The following PARD3 variants were observed in gnomAD, a reference collection of about 807,000 sequenced individuals.
PARD3 encodes par-3 family cell polarity regulator, also known as partitioning defective 3 homolog.
Under a neutral mutation model 155.4 loss-of-function variants are expected in PARD3, and 75 were observed. The ratio of observed to expected loss-of-function variants is 0.48; its 90% CI spans 0.40 to 0.58. The LOEUF (loss-of-function observed/expected upper bound fraction) is 0.58, where lower values mean the gene tolerates loss of function less well. Ranked by LOEUF, PARD3 falls within the 20% of genes least tolerant of loss-of-function variation. The pLI is 0.00. For synonymous variants in PARD3, 576 were observed against 610.5 expected (o/e 0.94, Z 0.83); for missense variants, 1,642 against 1,721.7 (o/e 0.95, Z 0.82).
chr10:34,179,106 C>T (rs1950156248), intron 22 of PARD3, among the ~76,000 whole-genome samples: 2 of 152,216 alleles, frequency 1.3e-5, no homozygotes, highest in Non-Finnish European at 2.9e-5. Flanking sequence ...ATATTTCTCC[C>T]TGTCCTTCTA....
Position 34,111,011 on chromosome 10 carries a change from G to A in PARD3, c.*158C>T. ...TGAGACATAGTGGCAAAGACATTAAGGCCTTCCATTTCTTTGCCTACACCG... is the reference window on the plus strand; with the variant it reads ...TGAGACATAGTGGCAAAGACATTAAAGCCTTCCATTTCTTTGCCTACACCG... On this transcript the variant is annotated 3_prime_UTR_variant, in exon 25 of 25. Transcript: ENST00000374788. 1 of 689,410 alleles carries A rather than the reference G, an allele frequency of 1.5e-6. No homozygotes were observed. Among genetic ancestry groups the A allele is most frequent in the Non-Finnish European group, 2.3e-6 (1 of 427,816 alleles). 42.7% of individuals were successfully genotyped at this position (689,410 alleles called of 1,614,324 possible).
chr10:34,177,041 T>C (rs1950063457), intron 22 of PARD3, among the ~76,000 whole-genome samples: 1 of 150,632 alleles, frequency 6.6e-6, no homozygotes, highest in Admixed American at 6.6e-5. Flanking sequence ...GTGTGGGGTC[T>C]GTGTTTGTGT....
intron 2 of PARD3, among the ~76,000 whole-genome samples, chr10:34,655,359 TTGTG>T (rs760618629): frequency 4.6e-5 from 7 of 152,176 alleles, no homozygotes; most frequent in Admixed American, 1.3e-4. Context: ...TCACATTGAT[TTGTG>T]TGTTTTATGT....
At chr10:34,366,530 C>G (rs1375638827) in intron 12 of PARD3, among the ~76,000 whole-genome samples, 1 of 152,024 alleles carries the variant, frequency 6.6e-6, no homozygotes, top group Non-Finnish European at 1.5e-5. Context: ...TATGAATGAG[C>G]ACCTTAGGAC....
intron 2 of PARD3, among the ~76,000 whole-genome samples, chr10:34,666,796 AAT>A (rs1204976062): frequency 1.8e-4 from 12 of 66,952 alleles, no homozygotes; most frequent in South Asian, 5.6e-4. Context: ...AAAAAAAAAA[AAT>A]ATATATATAT....
At chr10:34,684,852 T>A (rs1214778668) in intron 2 of PARD3, among the ~76,000 whole-genome samples, 2 of 130,216 alleles carry the variant, frequency 1.5e-5, no homozygotes, top group African/African-American at 5.8e-5. Flanking sequence ...CACACATATA[T>A]ATACATGTAT....
intron 22 of PARD3, among the ~76,000 whole-genome samples, chr10:34,255,678 CCTTTTAAATAACA>C (rs1470488653): frequency 6.6e-6 from 1 of 152,104 alleles, no homozygotes; most frequent in Non-Finnish European, 1.5e-5. Context: ...AAACTTTTTT[CCTTTTAAATAACA>C]CTTTTCTTCA....
intron 2 of PARD3, chr10:34,664,225 CAG>C (rs1315649209): frequency 6.6e-6 from 1 of 152,200 alleles, no homozygotes; most frequent in Non-Finnish European, 1.5e-5. Flanking sequence ...TCTTTTGAGA[CAG>C]AGTCTCGAAC....
At chr10:34,645,005 C>CA (rs1276763386) in intron 2 of PARD3, among the ~76,000 whole-genome samples, 2 of 152,046 alleles carry the variant, frequency 1.3e-5, no homozygotes, top group African/African-American at 4.8e-5. Context: ...AGGCGAGTGC[C>CA]ACCACACCCA....
intron 2 of PARD3, among the ~76,000 whole-genome samples, chr10:34,657,306 G>A (rs1005006697): frequency 6.6e-6 from 1 of 152,064 alleles, no homozygotes; most frequent in African/African-American, 2.4e-5. Flanking sequence ...TTAAATTTCA[G>A]GGTGAAATGG....
chr10:34,666,349 C>A (rs1309102635), intron 2 of PARD3, among the ~76,000 whole-genome samples: 1 of 152,110 alleles, frequency 6.6e-6, no homozygotes, highest in Non-Finnish European at 1.5e-5. Context: ...AGAAACTGAT[C>A]CTGATTCCAA....
chr10:34,692,211 G>C (rs531738641), intron 2 of PARD3, among the ~76,000 whole-genome samples: 8 of 141,710 alleles, frequency 5.6e-5, no homozygotes, highest in Non-Finnish European at 1.2e-4. Context: ...CAGCCTGGGT[G>C]ATAAGAGCGA....
At chr10:34,308,787 A>C (rs769113770) in intron 20 of PARD3, among the ~76,000 whole-genome samples, 22 of 152,318 alleles carry the variant, frequency 1.4e-4, no homozygotes, top group Middle Eastern at 3.4e-3. Flanking sequence ...CTGTTTCCTG[A>C]GAATATCAAA....
rs148787981 is a variant in PARD3 at position 34,514,747 on chromosome 10, T to C, written c.403+2232A>G. Among the ~76,000 whole-genome samples, 559 of 152,308 alleles carry C rather than the reference T, an allele frequency of 3.7e-3. 3 individuals are homozygous for C. The highest frequency in any genetic ancestry group is 0.013 in the African/African-American group (534 of 41,560). On this transcript the variant is annotated intron_variant, in intron 3 of 24. Coordinates refer to ENST00000374788, the MANE Select transcript of PARD3 (RefSeq NM_001184785.2). ...AAAACACCATTTAAATTTTAACACA[T>C]AAGGCCAGTCAAATGTGGATGGTTA... is the stretch of plus-strand genomic sequence containing the variant.
chr10:34,366,875 C>T (rs1840017436), intron 12 of PARD3, among the ~76,000 whole-genome samples: 1 of 152,110 alleles, frequency 6.6e-6, no homozygotes, highest in Non-Finnish European at 1.5e-5. Flanking sequence ...GTGAGATGAA[C>T]ATTTCTGTAT....
intron 2 of PARD3, among the ~76,000 whole-genome samples, chr10:34,615,088 G>A (rs1466381849): frequency 6.6e-6 from 1 of 152,126 alleles, no homozygotes; most frequent in Non-Finnish European, 1.5e-5. Flanking sequence ...GGCTGAGGCA[G>A]GAGAATGGCC....
At chr10:34,362,781 C>T (rs1564629535) in intron 12 of PARD3, among the ~76,000 whole-genome samples, 1 of 152,194 alleles carries the variant, frequency 6.6e-6, no homozygotes, top group Non-Finnish European at 1.5e-5. Flanking sequence ...GTGCCCAGCC[C>T]CTTGAAACAT....
At chr10:34,710,847 C>A (rs147703602) in intron 1 of PARD3, among the ~76,000 whole-genome samples, 35 of 152,170 alleles carry the variant, frequency 2.3e-4, no homozygotes, top group African/African-American at 7.9e-4. Flanking sequence ...TTCCAACTAC[C>A]CAAATTGTAT....
chr10:34,537,785 G>T (rs2083323601), intron 2 of PARD3, among the ~76,000 whole-genome samples: 1 of 152,168 alleles, frequency 6.6e-6, no homozygotes. Context: ...CTCAAACACT[G>T]ACCACATTAG....
Sources: allele counts gnomAD v4.1 joint callset (sites outside exome capture counted in the v4.1 genomes callset), GRCh38; gene constraint gnomAD v4.1.1; transcripts MANE v1.5; gene names NCBI Gene and HGNC (gene_info 2026-07-23, HGNC 2026-07-21).